EPHA3: variants seen among roughly 807,000 people sequenced by gnomAD.
EPHA3 encodes ephrin type-A receptor 3.
Under a neutral mutation model 107.1 loss-of-function variants are expected in EPHA3, and 42 were observed. That is an observed-to-expected ratio of 0.39 (90% CI 0.31 to 0.51). The LOEUF is 0.51. EPHA3 is among the 20% of genes least tolerant of loss of function. EPHA3 has a pLI of 0.78. For synonymous variants in EPHA3, 461 were observed against 424.8 expected (o/e 1.09, Z -1.05); for missense variants, 1,183 against 1,211.2 (o/e 0.98, Z 0.35).
chr3:89,344,906 T>A (rs1487040651), intron 5 of EPHA3, among the ~76,000 whole-genome samples: 1 of 141,898 alleles, frequency 7.0e-6, no homozygotes, highest in East Asian at 2.0e-4. Flanking sequence ...TCACAAAGTA[T>A]GTCAGTGAGA....
chr3:89,307,408 A>G (rs1706649188), intron 3 of EPHA3, among the ~76,000 whole-genome samples: 1 of 152,154 alleles, frequency 6.6e-6, no homozygotes, highest in Non-Finnish European at 1.5e-5. Context: ...AAGAAATACA[A>G]AGTTTAAAGG....
chr3:89,381,547 C>T (rs144503993), intron 5 of EPHA3, among the ~76,000 whole-genome samples: 2,430 of 151,856 alleles, frequency 0.016, 67 homozygotes, highest in African/African-American at 0.055. Flanking sequence ...CACATGCCTG[C>T]AATTCCATCT....
intron 2 of EPHA3, among the ~76,000 whole-genome samples, chr3:89,189,308 T>C (rs569802227): frequency 2.6e-4 from 39 of 152,262 alleles, no homozygotes; most frequent in African/African-American, 9.1e-4. Context: ...AAAACTATAC[T>C]AAGAGACTGG....
Position 89,136,447 on chromosome 3 carries a change from G to A in EPHA3, c.153+9174G>A, listed in dbSNP as rs1308772660. Among the ~76,000 whole-genome samples, 7 of 143,874 alleles carry A rather than the reference G, an allele frequency of 4.9e-5. No individual in the cohort carries two copies. In the East Asian group the frequency reaches 6.2e-4, roughly 13 times the overall value. 94.4% of individuals were successfully genotyped at this position (143,874 alleles called of 152,430 possible). On this transcript the variant is annotated intron_variant, in intron 2 of 16. Transcript: ENST00000336596. ...CAGATAAGATAGAATTTATTCTAGC[G>A]ACTTTTAATTTATAAAAAGTAAAAT... is the stretch of plus-strand genomic sequence containing the variant.
intron 3 of EPHA3, among the ~76,000 whole-genome samples, chr3:89,239,417 C>A (rs1704842663): frequency 6.6e-6 from 1 of 152,034 alleles, no homozygotes; most frequent in Non-Finnish European, 1.5e-5. Flanking sequence ...GCCAAGCCAA[C>A]AGAATAATAA....
In EPHA3 at chr3:89,481,839, A is replaced by G. The variant is rs1169684769; in HGVS notation, c.*2337A>G. On this transcript the variant is annotated 3_prime_UTR_variant, in exon 17 of 17. Coordinates refer to ENST00000336596, the MANE Select transcript of EPHA3 (RefSeq NM_005233.6). ...ATTGACTTTCAGTAAACATAAAGCC[A>G]CAACTCCTACATGATGTTATGTACC... 8.6e-6 allele frequency: 2 copies of G among 231,592 alleles called. No homozygotes were observed. The highest frequency in any genetic ancestry group is 1.7e-5 in the Non-Finnish European group (2 of 116,820). 14.3% of individuals were successfully genotyped at this position (231,592 alleles called of 1,614,324 possible). A position where few individuals can be genotyped will look rare whatever the true frequency, so the allele number is the denominator to read the frequency against.
intron 2 of EPHA3, among the ~76,000 whole-genome samples, chr3:89,153,151 T>A (rs763919056): frequency 6.6e-6 from 1 of 152,090 alleles, no homozygotes; most frequent in Non-Finnish European, 1.5e-5. Flanking sequence ...AGAGTTCCAT[T>A]GTGAATTGAC....
chr3:89,451,269 T>C (rs1709984529), intron 15 of EPHA3, among the ~76,000 whole-genome samples: 2 of 152,006 alleles, frequency 1.3e-5, no homozygotes, highest in African/African-American at 2.4e-5. Flanking sequence ...GTTAGAACAA[T>C]GTAAATTAAA....
Position 89,367,164 on chromosome 3 carries a change from T to C in EPHA3, c.1306+25074T>C, listed in dbSNP as rs142652240. ...TGTTTAAAGACTACCTGCCAATTAATACCTTTCCACTTTATGCTCCATGAA... is the reference window on the plus strand; with the variant it reads ...TGTTTAAAGACTACCTGCCAATTAACACCTTTCCACTTTATGCTCCATGAA... On this transcript the variant is annotated intron_variant, in intron 5 of 16. Coordinates refer to ENST00000336596, the MANE Select transcript of EPHA3 (RefSeq NM_005233.6). Among the ~76,000 whole-genome samples the C allele has an allele frequency of 2.0e-5, 3 of 150,964 alleles. No homozygotes were observed. The East Asian group carries it at 5.9e-4, about 29-fold the overall frequency.
At chr3:89,274,418 A>G (rs1420990763) in intron 3 of EPHA3, among the ~76,000 whole-genome samples, 1 of 151,948 alleles carries the variant, frequency 6.6e-6, no homozygotes. Flanking sequence ...GTAATTTCTA[A>G]GCAATAAGCA....
At chr3:89,219,577 A>G (rs796123717) in intron 3 of EPHA3, among the ~76,000 whole-genome samples, 4 of 151,970 alleles carry the variant, frequency 2.6e-5, no homozygotes, top group African/African-American at 9.6e-5. Flanking sequence ...TGGAAATATT[A>G]AGAAACCACA....
At chr3:89,361,237 AG>A (rs1708084477) in intron 5 of EPHA3, among the ~76,000 whole-genome samples, 1 of 151,122 alleles carries the variant, frequency 6.6e-6, no homozygotes, top group South Asian at 2.1e-4. Context: ...TTGGAAATAA[AG>A]ACCTATGAAT....
At chr3:89,383,639 CTTTTTTTTTTTTTTTT>C (rs71621546) in intron 5 of EPHA3, among the ~76,000 whole-genome samples, 6 of 87,962 alleles carry the variant, frequency 6.8e-5, no homozygotes, top group Non-Finnish European at 1.2e-4. Flanking sequence ...ACTTCTTCTT[CTTTTTTTTTTTTTTTT>C]TTTTTTTTTT....
intron 3 of EPHA3, among the ~76,000 whole-genome samples, chr3:89,270,374 C>G (rs1053889565): frequency 6.6e-6 from 1 of 152,052 alleles, no homozygotes; most frequent in Non-Finnish European, 1.5e-5. Context: ...AGGACTTCCA[C>G]GCACTGTCTA....
chr3:89,229,496 A>G (rs1317612645), intron 3 of EPHA3, among the ~76,000 whole-genome samples: 2 of 151,538 alleles, frequency 1.3e-5, no homozygotes, highest in East Asian at 3.9e-4. Flanking sequence ...TCAGTATGAC[A>G]TCAATTTCTA....
chr3:89,426,048 T>G (rs536103320), intron 11 of EPHA3, among the ~76,000 whole-genome samples: 2 of 151,854 alleles, frequency 1.3e-5, no homozygotes, highest in African/African-American at 4.8e-5. Flanking sequence ...TCATTTTTGA[T>G]GGTTTCATTT....
intron 3 of EPHA3, among the ~76,000 whole-genome samples, chr3:89,249,847 G>T (rs1381472042): frequency 1.3e-5 from 2 of 152,086 alleles, no homozygotes; most frequent in African/African-American, 2.4e-5. Flanking sequence ...AAAAATAATT[G>T]TTTCCTGGCC....
intron 11 of EPHA3, among the ~76,000 whole-genome samples, chr3:89,428,725 A>G (rs1042903373): frequency 6.6e-6 from 1 of 152,136 alleles, no homozygotes; most frequent in Non-Finnish European, 1.5e-5. Flanking sequence ...ATAAATACCC[A>G]TAGAAAGAAT....
intron 5 of EPHA3, among the ~76,000 whole-genome samples, chr3:89,375,563 A>G (rs983026342): frequency 3.3e-5 from 5 of 151,366 alleles, no homozygotes; most frequent in Admixed American, 3.3e-4. Context: ...TTATACATGA[A>G]CTCTTCATCA....
Sources: gnomAD v4.1 joint callset for allele counts (sites outside exome capture counted in the v4.1 genomes callset) on GRCh38, gnomAD v4.1.1 for gene constraint, MANE v1.5 for transcripts, NCBI Gene and HGNC (gene_info 2026-07-23, HGNC 2026-07-21) for gene names.